Variants in DNAH5 observed in about 807,000 individuals in gnomAD.
The protein encoded by DNAH5 is dynein axonemal heavy chain 5.
A neutral mutation model predicts 518.2 loss-of-function variants in DNAH5; 372 were observed. The ratio of observed to expected loss-of-function variants is 0.72; its 90% CI spans 0.66 to 0.78. The LOEUF (loss-of-function observed/expected upper bound fraction) is 0.78, where lower values mean the gene tolerates loss of function less well. Ranked by LOEUF, DNAH5 falls within the 30% of genes least tolerant of loss-of-function variation. The pLI, the probability that DNAH5 is intolerant of heterozygous loss-of-function variation, is 0.00. For missense variants in DNAH5, 5,523 were observed against 5,687.0 expected (o/e 0.97, Z 0.93); for synonymous variants, 2,039 against 2,025.9 (o/e 1.01, Z -0.17).
At position 13,809,138 on chromosome 5, in the gene DNAH5, G is replaced by T. The variant is rs759066370; in HGVS notation, c.7658C>A (p.Ser2553Tyr). ...AGAACCATACTCTGGGGTGGTATCA[G>T]ACGGATACAGGTATTCCTGGGTACG... ...NTRTQEYLYP[S>Y]DTTPEYGSIL... Residue 2553 changes from serine to tyrosine, a missense_variant, in exon 46 of 79, where the codon TCT becomes TAT. This residue lies in a region of DNAH5 where 5,121 missense variants were observed against 5,223.3 expected (regional missense o/e 0.98). Coordinates refer to ENST00000265104, the MANE Select transcript of DNAH5 (RefSeq NM_001369.3). 1.2e-6 allele frequency: 2 copies of T among 1,614,206 alleles called. No individual in the cohort carries two copies. Among genetic ancestry groups the T allele is most frequent in the East Asian group, 2.2e-5 (1 of 44,884 alleles).
Position 13,913,965 on chromosome 5 carries a change from AT to A in DNAH5, c.1321-8del. The A allele has an allele frequency of 2.5e-6, 4 of 1,612,062 alleles. No homozygotes were observed. Among genetic ancestry groups the A allele is most frequent in the Non-Finnish European group, 2.5e-6 (3 of 1,178,800 alleles). On this transcript the variant is annotated splice_polypyrimidine_tract_variant and splice_region_variant and intron_variant, in intron 10 of 78. Coordinates refer to ENST00000265104, the MANE Select transcript of DNAH5 (RefSeq NM_001369.3). ...GAAAGCAGAGCTGGTATTCCTTAAA[AT>A]CAAAAGAAAAATATACAACAAAGGG...
intron 1 of DNAH5, among the ~76,000 whole-genome samples, chr5:13,959,103 C>T (rs796486613): frequency 2.2e-4 from 33 of 152,296 alleles, no homozygotes; most frequent in African/African-American, 6.0e-4. Flanking sequence ...TGTGCCACCA[C>T]GCCCAGCTAA....
intron 1 of DNAH5, among the ~76,000 whole-genome samples, chr5:13,934,329 C>A (rs917920386): frequency 1.1e-4 from 16 of 152,256 alleles, no homozygotes; most frequent in Non-Finnish European, 4.4e-5. Context: ...GCCAATGGCA[C>A]CTGCAGAAGA....
chr5:13,968,036 T>C (rs1781638639), intron 1 of DNAH5, among the ~76,000 whole-genome samples: 1 of 152,182 alleles, frequency 6.6e-6, no homozygotes, highest in Non-Finnish European at 1.5e-5. Flanking sequence ...TTCACCTCCT[T>C]GGTTAGGTTT....
chr5:13,818,922 T>C (rs1236442674), intron 41 of DNAH5, among the ~76,000 whole-genome samples: 1 of 152,224 alleles, frequency 6.6e-6, no homozygotes, highest in African/African-American at 2.4e-5. Flanking sequence ...TTAAGTAAGA[T>C]TAATGTTTCC....
chr5:13,951,966 C>T (rs917754986), intron 1 of DNAH5, among the ~76,000 whole-genome samples: 2 of 152,188 alleles, frequency 1.3e-5, no homozygotes, highest in African/African-American at 4.8e-5. Context: ...ATCATGTTGT[C>T]TTCCTATAGA....
At chr5:13,945,090 C>A (rs557486955), upstream of DNAH5, among the ~76,000 whole-genome samples, 1 of 152,344 alleles carries the variant, frequency 6.6e-6, no homozygotes, top group African/African-American at 2.4e-5. Flanking sequence ...GTTTCATATG[C>A]AAATAGCAAA....
chr5:13,894,563 A>AT (rs1441176621), intron 16 of DNAH5, 87 bp downstream of exon 16: 39 of 1,401,042 alleles, frequency 2.8e-5, no homozygotes, highest in Non-Finnish European at 3.3e-5. Context: ...CATTATTTAT[A>AT]TCTCCATATT....
intron 22 of DNAH5, 47 bp downstream of exon 22, chr5:13,876,637 G>A: frequency 6.2e-7 from 1 of 1,604,434 alleles, no homozygotes; most frequent in Non-Finnish European, 8.5e-7. Flanking sequence ...TCACACAAGT[G>A]CATGTTGCAA....
intron 16 of DNAH5, among the ~76,000 whole-genome samples, chr5:13,894,134 G>T (rs1773618298): frequency 6.6e-6 from 1 of 152,102 alleles, no homozygotes. Flanking sequence ...GCTCCTCTTG[G>T]ATTTCCCAGA....
Position 13,758,968 on chromosome 5 carries a change from G to C in DNAH5, c.10297C>G (p.Gln3433Glu). The change falls in exon 61 of 79, where the codon CAA becomes GAA. Residue 3433 changes from glutamine to glutamate, a missense_variant. Physicochemically the swap from Gln to Glu is conservative, Grantham distance 29 (BLOSUM62 2). This residue lies in a region of DNAH5 where 5,121 missense variants were observed against 5,223.3 expected (regional missense o/e 0.98). Transcript: ENST00000265104. ...ATGGCCAGGAGATGGCGATTCTCTT[G>C]CACCACCAAGTTGGCCTGCACAGGA... ...VLPLKANLVV[Q>E]ENRHLLAMQD... The C allele has an allele frequency of 6.2e-7, 1 of 1,614,112 alleles. No homozygotes were observed. The highest frequency in any genetic ancestry group is 8.5e-7 in the Non-Finnish European group (1 of 1,180,014).
In DNAH5 at chr5:13,794,049, C is replaced by CT; in HGVS notation, c.7896dup (p.Glu2633ArgfsTer6). On this transcript the variant is annotated frameshift_variant, in exon 48 of 79. Transcript: ENST00000265104. LOFTEE classifies it high-confidence loss of function. ...CCCATTCGTTTATCCACATAGCTCTCTATCGTCCTCTGTGAAAAAAAAATC... is the reference window on the plus strand; with the variant it reads ...CCCATTCGTTTATCCACATAGCTCTCTTATCGTCCTCTGTGAAAAAAAAATC... The CT allele has an allele frequency of 1.2e-6, 2 of 1,614,022 alleles. No homozygotes were observed. The highest frequency in any genetic ancestry group is 1.7e-6 in the Non-Finnish European group (2 of 1,179,994).
intron 38 of DNAH5, among the ~76,000 whole-genome samples, chr5:13,828,081 T>G (rs1368599113): frequency 1.3e-5 from 2 of 152,182 alleles, no homozygotes; most frequent in African/African-American, 2.4e-5. Context: ...ACAATAAGAA[T>G]GAGTGAGTAA....
Position 13,777,240 on chromosome 5 carries a change from A to G in DNAH5, c.9067T>C (p.Phe3023Leu), listed in dbSNP as rs767101766. 7 of 1,613,080 alleles carry G rather than the reference A, an allele frequency of 4.3e-6. No homozygotes were observed. The highest frequency in any genetic ancestry group is 5.9e-6 in the Non-Finnish European group (7 of 1,179,418). ...AAAACATTGTTCATATATTCCAAAA[A>G]TGACTCATCTTTAATCTCATTGTCT... ...FTDNEIKDES[F>L]LEYMNNVLSS... Residue 3023 changes from phenylalanine (F) to leucine (L), a missense_variant, in exon 54 of 79, where the codon TTT becomes CTT. Around this residue, in one of 3 missense-constraint regions of DNAH5, gnomAD observed 5,121 missense variants for 5,223.3 expected, o/e 0.98. Transcript: ENST00000265104.
intron 21 of DNAH5, among the ~76,000 whole-genome samples, 165 bp from the exon 22 acceptor site, chr5:13,876,982 A>T (rs537671537): frequency 2.6e-5 from 4 of 152,166 alleles, no homozygotes; most frequent in Non-Finnish European, 5.9e-5. Context: ...ACTTTTCAGG[A>T]CTCTGTAAAT....
At chr5:13,735,386 T>C in intron 67 of DNAH5, 65 bp from the exon 68 acceptor site, 4 of 1,477,492 alleles carry the variant, frequency 2.7e-6, no homozygotes, top group East Asian at 2.3e-5. Flanking sequence ...GTAAAAACAA[T>C]TGTCTTTAAT....
intron 1 of DNAH5, among the ~76,000 whole-genome samples, chr5:13,973,797 T>G (rs998160373): frequency 3.3e-5 from 5 of 151,186 alleles, no homozygotes; most frequent in Non-Finnish European, 5.9e-5. Flanking sequence ...CGTGTGCGAA[T>G]GCCCGATGGC....
At chr5:13,901,202 G>A (rs759035383) in intron 14 of DNAH5, 50 bp downstream of exon 14, 1 of 1,577,868 alleles carries the variant, frequency 6.3e-7, no homozygotes, top group Non-Finnish European at 8.7e-7. Context: ...TGCTAGAAGA[G>A]GGGTTCCCAT....
intron 25 of DNAH5, among the ~76,000 whole-genome samples, chr5:13,866,665 C>T (rs962159822): frequency 6.6e-6 from 1 of 152,098 alleles, no homozygotes; most frequent in Non-Finnish European, 1.5e-5. Context: ...TGTAAAGTGG[C>T]CTATAATCTT....
Sources: allele counts gnomAD v4.1 joint callset (sites outside exome capture counted in the v4.1 genomes callset), GRCh38; gene constraint gnomAD v4.1.1; regional missense constraint gnomAD v4.1.1; transcripts MANE v1.5; gene names NCBI Gene and HGNC (gene_info 2026-07-23, HGNC 2026-07-21).